HPS4: variants seen among roughly 807,000 people sequenced by gnomAD.
The protein encoded by HPS4 is BLOC-3 complex member HPS4.
In HPS4, 44 loss-of-function variants were observed where a neutral mutation model predicts 70.3. That is an observed-to-expected ratio of 0.63 (90% CI 0.49 to 0.80). The LOEUF (loss-of-function observed/expected upper bound fraction) is 0.80, where lower values mean the gene tolerates loss of function less well. Among genes scored for constraint, HPS4 ranks in the 30% least tolerant of loss-of-function variants. HPS4 has a pLI of 0.00. For missense variants in HPS4, 873 were observed against 884.4 expected, an observed-to-expected ratio of 0.99 and a Z score of 0.16; for synonymous variants, 377 against 355.9, an observed-to-expected ratio of 1.06 and a Z score of -0.67.
Position 26,481,986 on chromosome 22 carries a change from C to G in HPS4, c.-224G>C. ...TTCAGTTTCATGTATATTTCCATGCCTCTTACAACTCAGGGAGAAACTATA... is the reference window on the plus strand; with the variant it reads ...TTCAGTTTCATGTATATTTCCATGCGTCTTACAACTCAGGGAGAAACTATA... On this transcript the variant is annotated 5_prime_UTR_variant, in exon 2 of 14. Coordinates refer to ENST00000398145, the MANE Select transcript of HPS4 (RefSeq NM_022081.6). 1.8e-6 allele frequency: 1 copy of G among 564,292 alleles called. No individual in the cohort carries two copies. The highest frequency in any genetic ancestry group is 2.0e-5 in the South Asian group (1 of 49,692). The allele number at this position is 564,292 out of a possible 1,614,324, so 35.0% of individuals were successfully genotyped here. A position where few individuals can be genotyped will look rare whatever the true frequency, so the allele number is the denominator to read the frequency against.
intron 13 of HPS4, among the ~76,000 whole-genome samples, chr22:26,456,928 T>C (rs896521387): frequency 6.6e-6 from 1 of 152,164 alleles, no homozygotes; most frequent in African/African-American, 2.4e-5. Flanking sequence ...AATCATAATA[T>C]TTCTTCTGGC....
chr22:26,443,122 G>A (rs1431553860), downstream of HPS4: 4 of 1,614,048 alleles, frequency 2.5e-6, no homozygotes, highest in African/African-American at 2.7e-5. Flanking sequence ...GCCCACGGGT[G>A]GTTTTCATGG....
chr22:26,476,704 A>T, intron 4 of HPS4: 4 of 394,760 alleles, frequency 1.0e-5, no homozygotes, highest in South Asian at 9.4e-5. Flanking sequence ...GATGATAAAA[A>T]CTCAATTTAC....
intron 8 of HPS4, 34 bp from the exon 9 acceptor site, chr22:26,466,296 G>A: frequency 5.0e-6 from 8 of 1,612,236 alleles, no homozygotes; most frequent in Non-Finnish European, 6.8e-6. Flanking sequence ...TTGGCGCTGG[G>A]CACCACATTC....
Position 26,472,287 on chromosome 22 carries a change from G to A in HPS4, c.501+15C>T, listed in dbSNP as rs1286323372. On this transcript the variant is annotated intron_variant, in intron 6 of 13. Transcript: ENST00000398145. ...GTCTTACATATAAAATGAATAAGGA[G>A]GATGAAAATGTTACTTTAGTTTGGT... 7.2e-7 allele frequency: 1 copy of A among 1,388,644 alleles called. No individual in the cohort carries two copies. The highest frequency in any genetic ancestry group is 1.2e-5 in the South Asian group (1 of 86,394). 86.0% of individuals were successfully genotyped at this position (1,388,644 alleles called of 1,614,324 possible).
Position 26,451,994 on chromosome 22 carries a change from GCGCGCGCGCGCACACACA to G in HPS4, c.*1221_*1238del, listed in dbSNP as rs1226094436. The stretch of plus-strand genomic sequence containing the variant: ...AGGGATGCGCCCACGTTACGCGCGC[GCGCGCGCGCGCACACACA>G]CACACACACACACACACACACACAC... On this transcript the variant is annotated 3_prime_UTR_variant, in exon 14 of 14. Transcript: ENST00000398145. 5.6e-3 allele frequency: 403 copies of G among 71,830 alleles called. 1 individual carries two copies. Among genetic ancestry groups the G allele is most frequent in the East Asian group, 0.026 (40 of 1,540 alleles). 4.4% of individuals were successfully genotyped at this position (71,830 alleles called of 1,614,324 possible). A position where few individuals can be genotyped will look rare whatever the true frequency, so the allele number is the denominator to read the frequency against.
downstream of HPS4, among the ~76,000 whole-genome samples, chr22:26,450,252 G>A (rs16982122): frequency 1.3e-3 from 199 of 152,334 alleles, 1 homozygote; most frequent in African/African-American, 4.4e-3. Context: ...TGCACACACA[G>A]GGAAGTGGCC....
At chr22:26,469,756 A>G (rs2089467292) in intron 7 of HPS4, among the ~76,000 whole-genome samples, 1 of 152,012 alleles carries the variant, frequency 6.6e-6, no homozygotes, top group African/African-American at 2.4e-5. Flanking sequence ...AAAAGGGGAA[A>G]AAAAATACTG....
rs902148584 is a variant in HPS4 at position 26,450,981 on chromosome 22, C to T, written c.*2252G>A. ...ATCACTCATGCGACCTTTATCCTTA[C>T]AGTTCACAGGTGGCAGATGGCTGGC... On this transcript the variant is annotated 3_prime_UTR_variant, in exon 14 of 14. Transcript: ENST00000398145. 6.6e-6 allele frequency among the ~76,000 whole-genome samples: 1 copy of T among 152,338 alleles called. No individual in the cohort carries two copies. The highest frequency in any genetic ancestry group is 1.5e-5 in the Non-Finnish European group (1 of 68,032).
At position 26,476,983 on chromosome 22, in the gene HPS4, T is replaced by C. The variant is rs773239306; in HGVS notation, c.276+10A>G. The C allele has an allele frequency of 4.3e-6, 7 of 1,614,020 alleles. No homozygotes were observed. The East Asian group carries it at 1.3e-4, about 31-fold the overall frequency. ...CAACACTTCAGCACTGATTCTGCCA[T>C]TCAACTTACCCAAAGGTAATCTCCA... On this transcript the variant is annotated intron_variant, in intron 4 of 13. Coordinates refer to ENST00000398145, the MANE Select transcript of HPS4 (RefSeq NM_022081.6).
At chr22:26,448,725 G>C (rs1291782997), downstream of HPS4, among the ~76,000 whole-genome samples, 1 of 152,162 alleles carries the variant, frequency 6.6e-6, no homozygotes, top group Non-Finnish European at 1.5e-5. Context: ...TTTCAGGTTT[G>C]GACATTTAAA....
rs1020168402 is a variant in HPS4, at chr22:26,472,751, C to G, written c.384+81G>C. ...TGTGTTTATATGAAGTATACAAGACCCCAGAGTAAGTGCTGCATTCTGGCA... is the reference window on the plus strand; with the variant it reads ...TGTGTTTATATGAAGTATACAAGACGCCAGAGTAAGTGCTGCATTCTGGCA... On this transcript the variant is annotated intron_variant, in intron 5 of 13. Coordinates refer to ENST00000398145, the MANE Select transcript of HPS4 (RefSeq NM_022081.6). 4 of 1,063,712 alleles carry G rather than the reference C, an allele frequency of 3.8e-6. No homozygotes were observed. In the African/African-American group the frequency reaches 6.2e-5, roughly 17 times the overall value. 65.9% of individuals were successfully genotyped at this position (1,063,712 alleles called of 1,614,324 possible).
At chr22:26,479,586 C>G in intron 2 of HPS4, 1 of 1,354,504 alleles carries the variant, frequency 7.4e-7, no homozygotes, top group African/African-American at 1.5e-5. Flanking sequence ...GACCATCTGC[C>G]GGAGAAGACA....
At chr22:26,449,696 T>C (rs1360435771), downstream of HPS4, among the ~76,000 whole-genome samples, 2 of 152,158 alleles carry the variant, frequency 1.3e-5, no homozygotes, top group Non-Finnish European at 2.9e-5. Flanking sequence ...GCCCCAGCTC[T>C]TCTCACGCCC....
chr22:26,465,928 G>A lies in HPS4; in HGVS notation c.706+298C>T, dbSNP rs5761544. ...CCTGCAAAAGGTCTTTCTGGCAGTC[G>A]CTGTTTGCCTTACCCTCTCCCAATC... On this transcript the variant is annotated intron_variant, in intron 9 of 13. Coordinates refer to ENST00000398145, the MANE Select transcript of HPS4 (RefSeq NM_022081.6). The A allele has an allele frequency of 2.4e-3, 1,862 of 791,122 alleles. 6 individuals carry two copies. Among genetic ancestry groups the A allele is most frequent in the East Asian group, 3.3e-3 (111 of 33,182 alleles). 49.0% of individuals were successfully genotyped at this position (791,122 alleles called of 1,614,324 possible).
Position 26,453,171 on chromosome 22 carries a change from A to C in HPS4, c.*62T>G. 1 of 1,528,724 alleles carries C rather than the reference A, an allele frequency of 6.5e-7. No individual in the cohort carries two copies. The allele number at this position is 1,528,724 out of a possible 1,614,324, so 94.7% of individuals were successfully genotyped here. A position where few individuals can be genotyped will look rare whatever the true frequency, so the allele number is the denominator to read the frequency against. ...AAAATAAAATAGAGGGGCCTTTTCA[A>C]TTATAAAAGGCAGAGCTTCCTTTGC... On this transcript the variant is annotated 3_prime_UTR_variant, in exon 14 of 14. Transcript: ENST00000398145.
rs754088753 is a variant in HPS4, at chr22:26,453,407, G to A, written c.1956-3C>T. The stretch of plus-strand genomic sequence containing the variant: ...CGTACACAGCCGTGGAGGCATTTCT[G>A]TTGGAGGAAGAAAGAAGGCAACGGT... On this transcript the variant is annotated splice_polypyrimidine_tract_variant and splice_region_variant and intron_variant, in intron 13 of 13. Coordinates refer to ENST00000398145, the MANE Select transcript of HPS4 (RefSeq NM_022081.6). 70 of 1,613,684 alleles carry A rather than the reference G, an allele frequency of 4.3e-5. No homozygotes were observed. Among genetic ancestry groups the A allele is most frequent in the Non-Finnish European group, 5.7e-5 (67 of 1,180,034 alleles).
At chr22:26,470,286 A>G (rs2089570673) in intron 7 of HPS4, among the ~76,000 whole-genome samples, 1 of 152,234 alleles carries the variant, frequency 6.6e-6, no homozygotes, top group Non-Finnish European at 1.5e-5. Context: ...AGGCAGCTGG[A>G]TAAGGGCCTG....
chr22:26,482,164 T>C lies in HPS4; in HGVS notation c.-402A>G, dbSNP rs567406073. 2 of 265,426 alleles carry C rather than the reference T, an allele frequency of 7.5e-6. No individual in the cohort carries two copies. Among genetic ancestry groups the C allele is most frequent in the Non-Finnish European group, 1.5e-5 (2 of 134,126 alleles). The allele number at this position is 265,426 out of a possible 1,614,324, so 16.4% of individuals were successfully genotyped here. On this transcript the variant is annotated 5_prime_UTR_variant, in exon 2 of 14. Coordinates refer to ENST00000398145, the MANE Select transcript of HPS4 (RefSeq NM_022081.6). ...CTGGTGTTCTAAAGAAATTTCTAGC[T>C]TGTCTAGTTCAAACCCATCCTGAAG...
Sources: allele counts gnomAD v4.1 joint callset (sites outside exome capture counted in the v4.1 genomes callset), GRCh38; gene constraint gnomAD v4.1.1; transcripts MANE v1.5; gene names NCBI Gene and HGNC (gene_info 2026-07-23, HGNC 2026-07-21).